Variants in CCDC92 observed in about 807,000 individuals in gnomAD.
The protein encoded by CCDC92 is coiled-coil domain-containing protein 92.
A neutral mutation model predicts 24.9 loss-of-function variants in CCDC92; 12 were observed. The observed-to-expected ratio is 0.48, with a 90% CI of 0.31 to 0.78. CCDC92 has a LOEUF of 0.78. Among genes scored for constraint, CCDC92 ranks in the 30% least tolerant of loss-of-function variants. The pLI, the probability that CCDC92 is intolerant of heterozygous loss-of-function variation, is 0.05. For missense variants in CCDC92, 399 were observed against 439.4 expected, an observed-to-expected ratio of 0.91 and a Z score of 0.82; for synonymous variants, 193 against 196.3, an observed-to-expected ratio of 0.98 and a Z score of 0.14.
intron 1 of CCDC92, among the ~76,000 whole-genome samples, chr12:123,954,148 TTAA>T (rs1034262671): frequency 6.6e-6 from 1 of 152,250 alleles, no homozygotes; most frequent in African/African-American, 2.4e-5. Flanking sequence ...ATCATATGTT[TTAA>T]TAATATTGTT....
rs768445428 is a variant in CCDC92 at position 123,937,692 on chromosome 12, T to C, written c.362A>G (p.Asn121Ser). The change falls in exon 5 of 5, where the codon AAC becomes AGC. Residue 121 changes from asparagine to serine, a missense_variant. Transcript: ENST00000238156. This position sits in a 1 kb window ranked among gnomAD's most constrained non-coding sequence, Gnocchi z 8.4. ...CTTCTTCTCTCGCTCCTTGATGGTGTTCTCCAGCACTGTGATCATCGCGTT... is the reference window on the plus strand; with the variant it reads ...CTTCTTCTCTCGCTCCTTGATGGTGCTCTCCAGCACTGTGATCATCGCGTT... ...QKNAMITVLE[N>S]TIKEREKKYL... 1 of 1,614,162 alleles carries C rather than the reference T, an allele frequency of 6.2e-7. No homozygotes were observed. The highest frequency in any genetic ancestry group is 1.7e-5 in the Admixed American group (1 of 60,028).
At chr12:123,943,819 G>A in intron 2 of CCDC92, 1 of 461,286 alleles carries the variant, frequency 2.2e-6, no homozygotes, top group Non-Finnish European at 3.9e-6. Context: ...ATCAAGAGAG[G>A]CAGATTCGCG....
At chr12:123,961,449 G>C (rs968574208) in intron 1 of CCDC92, among the ~76,000 whole-genome samples, 1 of 152,346 alleles carries the variant, frequency 6.6e-6, no homozygotes, top group East Asian at 1.9e-4. Context: ...GAAGGAACAT[G>C]AGACCATTAA....
intron 1 of CCDC92, chr12:123,967,960 T>C (rs1488645965): frequency 1.3e-5 from 2 of 152,260 alleles, no homozygotes; most frequent in Admixed American, 1.3e-4. Flanking sequence ...TATGCAGACC[T>C]AAATTTAGTA....
rs994698994 is a variant in CCDC92 at position 123,972,791 on chromosome 12, CCCGGCGGGCTAGGCGCCGGCGCG to C, written c.-345_-323del. 3 of 146,260 alleles carry C rather than the reference CCCGGCGGGCTAGGCGCCGGCGCG, an allele frequency of 2.1e-5. No homozygotes were observed. The highest frequency in any genetic ancestry group is 7.4e-5 in the African/African-American group (3 of 40,610). 9.1% of individuals were successfully genotyped at this position (146,260 alleles called of 1,614,324 possible). On this transcript the variant is annotated 5_prime_UTR_variant, in exon 1 of 5. Transcript: ENST00000238156. ...CGGCGGCGAGGCCTGGCCGCGCTGA[CCCGGCGGGCTAGGCGCCGGCGCG>C]GCGGCGGGCCTGTGTCTGCCGGGCT...
intron 1 of CCDC92, among the ~76,000 whole-genome samples, chr12:123,948,350 G>A (rs920455572): frequency 6.6e-6 from 1 of 152,214 alleles, no homozygotes; most frequent in Non-Finnish European, 1.5e-5. Context: ...GATTTAGTAA[G>A]TATTCATACT....
chr12:123,960,914 GT>G (rs1956256667), intron 1 of CCDC92: 3 of 152,172 alleles, frequency 2.0e-5, no homozygotes, highest in Admixed American at 1.3e-4. Context: ...GCTTTTTAAA[GT>G]TTACAAGGCC....
chr12:123,947,471 G>C (rs139679290), intron 1 of CCDC92, among the ~76,000 whole-genome samples: 1,770 of 152,360 alleles, frequency 0.012, 20 homozygotes, highest in Non-Finnish European at 0.018. Context: ...CTCAGGGATT[G>C]TAAATACACC....
In CCDC92 at chr12:123,937,240, G is replaced by A; in HGVS notation, c.814C>T (p.Arg272Ter). The stretch of plus-strand genomic sequence containing the variant: ...GCCGGGCTGTGCTGCTCGCCGCTTC[G>A]GTCGGAGGCGATGGGGGGGATGACG... ...PLVIPPIASD[R>*]SGEQHSPARE... The change falls in exon 5 of 5, where the codon CGA (arginine) becomes TGA (stop). Residue 272 changes from arginine to a stop codon, truncating the protein, a stop_gained. Transcript: ENST00000238156. LOFTEE classifies it high-confidence loss of function. The surrounding 1 kb of genome is among the most constrained non-coding windows in gnomAD (Gnocchi z 8.4). The A allele has an allele frequency of 2.5e-6, 4 of 1,610,708 alleles. No individual in the cohort carries two copies. Among genetic ancestry groups the A allele is most frequent in the East Asian group, 2.2e-5 (1 of 44,844 alleles).
intron 1 of CCDC92, among the ~76,000 whole-genome samples, chr12:123,948,862 CAGT>C (rs1336092141): frequency 2.6e-5 from 4 of 152,156 alleles, no homozygotes; most frequent in African/African-American, 9.7e-5. Flanking sequence ...GCTGAAAAGA[CAGT>C]GGTGTTTTCC....
In CCDC92 at chr12:123,939,475, G is replaced by A. The variant is rs530366629; in HGVS notation, c.224-1645C>T. 3.3e-5 allele frequency among the ~76,000 whole-genome samples: 5 copies of A among 152,268 alleles called. No individual in the cohort carries two copies. In the East Asian group the frequency reaches 7.7e-4, roughly 23 times the overall value. ...AAATCCAATGTAAGTTGAAAATACCGTAAGTCAAAAGTGTGTTTTCGATAT... is the reference window on the plus strand; with the variant it reads ...AAATCCAATGTAAGTTGAAAATACCATAAGTCAAAAGTGTGTTTTCGATAT... On this transcript the variant is annotated intron_variant, in intron 4 of 4. Transcript: ENST00000238156.
intron 1 of CCDC92, chr12:123,945,588 C>T (rs967769970): frequency 3.3e-5 from 5 of 152,208 alleles, no homozygotes; most frequent in Non-Finnish European, 5.9e-5. Flanking sequence ...ACAGCCTCAG[C>T]GTCAAAGGAA....
rs377070540 is a variant in CCDC92 at position 123,953,464 on chromosome 12, G to T, written c.-59-9100C>A. Among the ~76,000 whole-genome samples the T allele has an allele frequency of 1.4e-4, 21 of 152,276 alleles. No individual in the cohort carries two copies. In the East Asian group the frequency reaches 1.5e-3, roughly 11 times the overall value. ...TATCACATTTTTGATATGTGTAGAA[G>T]GATATACACCAAAGTGTTAAAACAT... On this transcript the variant is annotated intron_variant, in intron 1 of 4. Transcript: ENST00000238156.
intron 1 of CCDC92, among the ~76,000 whole-genome samples, chr12:123,964,704 A>G (rs1458864380): frequency 6.6e-6 from 1 of 152,238 alleles, no homozygotes. Context: ...AGGTGAATCT[A>G]AACCTGAGTA....
Position 123,967,839 on chromosome 12 carries a change from C to T in CCDC92, c.-60+4690G>A, listed in dbSNP as rs531066475. ...AAACAATGTTACCTAAGAACATGGG[C>T]TTTAATGACTTCTCATAAACTCTCT... On this transcript the variant is annotated intron_variant, in intron 1 of 4. Coordinates refer to ENST00000238156, the MANE Select transcript of CCDC92 (RefSeq NM_025140.3). Among the ~76,000 whole-genome samples, 25 of 152,286 alleles carry T rather than the reference C, an allele frequency of 1.6e-4. No homozygotes were observed. In the South Asian group the frequency reaches 4.3e-3, roughly 26 times the overall value.
At position 123,941,703 on chromosome 12, in the gene CCDC92, C is replaced by T. The variant is rs146258392; in HGVS notation, c.223+1041G>A. On this transcript the variant is annotated intron_variant, in intron 4 of 4. Coordinates refer to ENST00000238156, the MANE Select transcript of CCDC92 (RefSeq NM_025140.3). ...CACGCCTGCGCAGGGCTGAGCGAGC[C>T]CTGGACCATAGTGCATGCTCTTCCT... Among the ~76,000 whole-genome samples the T allele has an allele frequency of 2.6e-3, 393 of 152,308 alleles. 2 individuals are homozygous for T. The highest frequency in any genetic ancestry group is 8.9e-3 in the African/African-American group (372 of 41,566).
At chr12:123,963,112 G>A (rs561487809) in intron 1 of CCDC92, among the ~76,000 whole-genome samples, 21 of 152,288 alleles carry the variant, frequency 1.4e-4, no homozygotes, top group Non-Finnish European at 2.6e-4. Flanking sequence ...AGGGCCAGGG[G>A]TGCTGCTAAA....
intron 1 of CCDC92, chr12:123,971,312 G>T (rs1161283732): frequency 6.6e-6 from 1 of 150,794 alleles, no homozygotes; most frequent in African/African-American, 2.4e-5. Context: ...TTAGCCAAAA[G>T]AATTACATAC....
At chr12:123,966,826 T>C (rs1316283919) in intron 1 of CCDC92, among the ~76,000 whole-genome samples, 1 of 152,126 alleles carries the variant, frequency 6.6e-6, no homozygotes, top group Non-Finnish European at 1.5e-5. Context: ...AGTGCAGTGT[T>C]CTAGAATTAG....
Sources: allele counts gnomAD v4.1 joint callset (sites outside exome capture counted in the v4.1 genomes callset), GRCh38; gene constraint gnomAD v4.1.1; non-coding constraint Gnocchi (gnomAD v3.1); transcripts MANE v1.5; gene names NCBI Gene and HGNC (gene_info 2026-07-23, HGNC 2026-07-21).